The following MEMO1 variants were observed in gnomAD, a reference collection of about 807,000 sequenced individuals.
MEMO1 encodes protein MEMO1.
In MEMO1, 6 loss-of-function variants were observed where a neutral mutation model predicts 45.2. That is an observed-to-expected ratio of 0.13 (90% confidence interval 0.07 to 0.26). MEMO1 has a LOEUF of 0.26. MEMO1 is among the 10% of genes least tolerant of loss of function. MEMO1 has a pLI of 1.00. For synonymous variants in MEMO1, 78 were observed against 124.3 expected, an observed-to-expected ratio of 0.63 and a Z score of 2.48; for missense variants, 184 against 370.5, an observed-to-expected ratio of 0.50 and a Z score of 4.13.
intron 6 of MEMO1, among the ~76,000 whole-genome samples, chr2:31,893,055 A>T (rs993606086): frequency 3.9e-5 from 6 of 152,136 alleles, no homozygotes; most frequent in Non-Finnish European, 7.4e-5. Context: ...GGACCTTTTT[A>T]AAAAAATCAC....
intron 2 of MEMO1, among the ~76,000 whole-genome samples, chr2:31,950,490 A>T (rs981059094): frequency 2.0e-5 from 3 of 151,948 alleles, no homozygotes; most frequent in African/African-American, 7.2e-5. Context: ...ATGCCCAGGC[A>T]AGCAGATCAC....
At chr2:31,980,096 G>A (rs996580220) in intron 2 of MEMO1, among the ~76,000 whole-genome samples, 1 of 151,670 alleles carries the variant, frequency 6.6e-6, no homozygotes, top group Non-Finnish European at 1.5e-5. Context: ...GGAAACTAAT[G>A]ACTAAATTAT....
intron 4 of MEMO1, among the ~76,000 whole-genome samples, chr2:31,924,091 C>A (rs1198572176): frequency 2.6e-5 from 3 of 117,622 alleles, no homozygotes; most frequent in African/African-American, 1.0e-4. Context: ...AGGTTTAAGT[C>A]CCCTCAATAT....
chr2:31,891,004 G>C (rs1313622475), intron 7 of MEMO1, among the ~76,000 whole-genome samples: 1 of 152,190 alleles, frequency 6.6e-6, no homozygotes, highest in Non-Finnish European at 1.5e-5. Context: ...TTCAGAGATA[G>C]AAGCAAGAGA....
At chr2:31,885,221 G>A (rs1327342023) in intron 7 of MEMO1, among the ~76,000 whole-genome samples, 1 of 152,154 alleles carries the variant, frequency 6.6e-6, no homozygotes, top group African/African-American at 2.4e-5. Context: ...CCGGGTTCAA[G>A]TGATTCTCCT....
intron 2 of MEMO1, among the ~76,000 whole-genome samples, chr2:32,001,561 G>GA (rs778711283): frequency 2.0e-5 from 3 of 152,026 alleles, no homozygotes; most frequent in Non-Finnish European, 2.9e-5. Flanking sequence ...GCTATAAATG[G>GA]AAAGAACAGT....
chr2:31,974,571 C>T (rs1203783246), intron 2 of MEMO1, among the ~76,000 whole-genome samples: 1 of 152,058 alleles, frequency 6.6e-6, no homozygotes. Flanking sequence ...ATGGTGAAAA[C>T]CTGTCTCTAC....
chr2:31,972,554 T>C (rs980455108), intron 2 of MEMO1, among the ~76,000 whole-genome samples: 10 of 151,918 alleles, frequency 6.6e-5, no homozygotes, highest in African/African-American at 2.4e-4. Context: ...CTACTAAAAA[T>C]ACCAAAATTA....
In MEMO1 at chr2:31,994,933, G is replaced by A. The variant is rs573026037; in HGVS notation, c.61+15254C>T. On this transcript the variant is annotated intron_variant, in intron 2 of 9. Coordinates refer to ENST00000404530, the MANE Select transcript of MEMO1 (RefSeq NM_001301833.4). ...AAGGCACTCGTGCCTTGCGGTGGGG[G>A]TGGAGGTAGAGCAAGGGAGGGAGGG... Among the ~76,000 whole-genome samples the A allele has an allele frequency of 2.1e-3, 321 of 151,312 alleles. 2 individuals carry two copies. Among genetic ancestry groups the A allele is most frequent in the African/African-American group, 7.6e-3 (312 of 41,266 alleles).
At chr2:32,002,204 TGTATATAC>T (rs1339624645) in intron 2 of MEMO1, among the ~76,000 whole-genome samples, 14 of 124,624 alleles carry the variant, frequency 1.1e-4, no homozygotes, top group Admixed American at 4.9e-4. Flanking sequence ...CACACACACA[TGTATATAC>T]GTATATACGT....
chr2:32,007,102 T>G (rs547249733), intron 2 of MEMO1, among the ~76,000 whole-genome samples: 18 of 152,150 alleles, frequency 1.2e-4, no homozygotes, highest in African/African-American at 4.1e-4. Context: ...GTAAGTCCAG[T>G]CCCAATGATG....
In MEMO1 at chr2:31,946,102, G is replaced by A. The variant is rs192874250; in HGVS notation, c.62-2719C>T. ...ACCTTTGAAGAGATGTTTTCTGGGG[G>A]AAGCAGATTTTGGTTTTAATTGCAT... is the stretch of plus-strand genomic sequence containing the variant. On this transcript the variant is annotated intron_variant, in intron 2 of 9. Transcript: ENST00000404530. 2.5e-3 allele frequency among the ~76,000 whole-genome samples: 378 copies of A among 152,244 alleles called. 1 individual carries two copies. The highest frequency in any genetic ancestry group is 8.9e-3 in the East Asian group (46 of 5,180).
chr2:31,965,299 A>AG (rs1558538210), intron 2 of MEMO1, among the ~76,000 whole-genome samples: 1 of 147,322 alleles, frequency 6.8e-6, no homozygotes, highest in Non-Finnish European at 1.5e-5. Flanking sequence ...GAAGAAGGGA[A>AG]GGAGGGAAGG....
chr2:31,999,081 C>T (rs765648381), intron 2 of MEMO1, among the ~76,000 whole-genome samples: 1 of 152,168 alleles, frequency 6.6e-6, no homozygotes, highest in Non-Finnish European at 1.5e-5. Context: ...GCACTCCATA[C>T]TTCAAGTATG....
intron 4 of MEMO1, among the ~76,000 whole-genome samples, chr2:31,928,830 G>A (rs1004154889): frequency 1.3e-5 from 2 of 151,606 alleles, no homozygotes; most frequent in Non-Finnish European, 2.9e-5. Context: ...GTTATACCCC[G>A]CTTTTTTTAT....
At chr2:31,937,397 T>C (rs1167367918) in intron 3 of MEMO1, among the ~76,000 whole-genome samples, 2 of 152,214 alleles carry the variant, frequency 1.3e-5, no homozygotes. Flanking sequence ...ATTTGAGACT[T>C]TGACATGAAT....
chr2:31,997,294 TGAA>T (rs1468368659), intron 2 of MEMO1, among the ~76,000 whole-genome samples: 1 of 152,146 alleles, frequency 6.6e-6, no homozygotes, highest in Non-Finnish European at 1.5e-5. Context: ...TCAAGCAACC[TGAA>T]GAAAAGACAC....
chr2:31,917,067 TATA>T (rs1226580000), intron 6 of MEMO1, among the ~76,000 whole-genome samples: 1 of 152,158 alleles, frequency 6.6e-6, no homozygotes, highest in Non-Finnish European at 1.5e-5. Context: ...ACATAAAAAA[TATA>T]ATGTTATCTT....
intron 4 of MEMO1, among the ~76,000 whole-genome samples, chr2:31,925,221 A>T (rs1243742909): frequency 2.0e-5 from 3 of 152,050 alleles, no homozygotes; most frequent in African/African-American, 7.2e-5. Flanking sequence ...CTCATGCCTG[A>T]AATGCCAGCA....
Sources: allele counts gnomAD v4.1 joint callset (sites outside exome capture counted in the v4.1 genomes callset), GRCh38; gene constraint gnomAD v4.1.1; transcripts MANE v1.5; gene names NCBI Gene and HGNC (gene_info 2026-07-23, HGNC 2026-07-21).